The following GALNT13 variants were observed in gnomAD, a reference collection of about 807,000 sequenced individuals.
The protein encoded by GALNT13 is UDP-GalNAc:polypeptide N-acetylgalactosaminyltransferase 13.
A neutral mutation model predicts 64.2 loss-of-function variants in GALNT13; 28 were observed. That is an observed-to-expected ratio of 0.44 (90% CI 0.32 to 0.60). GALNT13 has a LOEUF of 0.60. Among genes scored for constraint, GALNT13 ranks in the 20% least tolerant of loss-of-function variants. The pLI is 0.05. For missense variants in GALNT13, 577 were observed against 669.8 expected (o/e 0.86, Z 1.53); for synonymous variants, 214 against 224.6 (o/e 0.95, Z 0.42).
At chr2:154,242,286 G>A (rs1689535617) in intron 5 of GALNT13, 90 bp downstream of exon 5, 1 of 1,051,630 alleles carries the variant, frequency 9.5e-7, no homozygotes, top group African/African-American at 1.6e-5. Context: ...TGGCCAAAAA[G>A]ATAACTAGGC....
chr2:153,472,271 T>TA, the GALNT13 span, among the ~76,000 whole-genome samples: 4 of 151,924 alleles, frequency 2.6e-5, no homozygotes, highest in African/African-American at 9.7e-5. Context: ...TTTAAAAAAC[T>TA]AAAAAAACTA....
At chr2:153,174,847 G>A in the GALNT13 span, among the ~76,000 whole-genome samples, 4 of 152,022 alleles carry the variant, frequency 2.6e-5, no homozygotes, top group African/African-American at 7.2e-5. Flanking sequence ...GGCAATGCAG[G>A]CTTTCTCTAC....
chr2:153,823,270 A>T, the GALNT13 span, among the ~76,000 whole-genome samples: 9 of 152,292 alleles, frequency 5.9e-5, no homozygotes, highest in South Asian at 1.9e-3. Flanking sequence ...AATAGAAAAC[A>T]TATTCAAAAA....
intron 9 of GALNT13, among the ~76,000 whole-genome samples, chr2:154,332,502 T>C (rs1695220703): frequency 6.6e-6 from 1 of 152,062 alleles, no homozygotes; most frequent in African/African-American, 2.4e-5. Context: ...TCCTGCATGG[T>C]TTAAAATGAA....
intron 3 of GALNT13, among the ~76,000 whole-genome samples, chr2:153,957,390 A>G (rs764245719): frequency 6.6e-6 from 1 of 152,228 alleles, no homozygotes; most frequent in African/African-American, 2.4e-5. Flanking sequence ...GGAGTCACTG[A>G]AGAAAAATGT....
At chr2:153,342,110 A>C in the GALNT13 span, among the ~76,000 whole-genome samples, 1 of 152,210 alleles carries the variant, frequency 6.6e-6, no homozygotes, top group Admixed American at 6.5e-5. Context: ...TTTATCAATA[A>C]AATAAATGTT....
chr2:153,872,625 GGGGGGGGGGA>G (rs1340467560), intron 1 of GALNT13, among the ~76,000 whole-genome samples: 1 of 99,862 alleles, frequency 1.0e-5, no homozygotes, highest in Non-Finnish European at 2.2e-5. Flanking sequence ...GTGGCGGGGG[GGGGGGGGGGA>G]GCGGCTCTGG....
chr2:154,093,453 C>T (rs1471210201), intron 3 of GALNT13, among the ~76,000 whole-genome samples: 1 of 151,942 alleles, frequency 6.6e-6, no homozygotes, highest in East Asian at 1.9e-4. Flanking sequence ...TACACTCTAC[C>T]TTCACAAAAA....
At chr2:154,087,712 A>G (rs887061017) in intron 3 of GALNT13, among the ~76,000 whole-genome samples, 2 of 152,120 alleles carry the variant, frequency 1.3e-5, no homozygotes, top group South Asian at 4.1e-4. Context: ...CAATGATGTC[A>G]TTATATATGT....
At chr2:154,444,942 A>C (rs1031954121) in intron 12 of GALNT13, among the ~76,000 whole-genome samples, 5 of 152,028 alleles carry the variant, frequency 3.3e-5, no homozygotes, top group African/African-American at 1.2e-4. Flanking sequence ...TGAATAAAAG[A>C]ATATTTTATT....
intron 4 of GALNT13, among the ~76,000 whole-genome samples, chr2:154,177,483 G>A (rs1685715696): frequency 6.6e-6 from 1 of 152,126 alleles, no homozygotes; most frequent in Non-Finnish European, 1.5e-5. Context: ...GTGGATACAT[G>A]TCATTATCCA....
the GALNT13 span, among the ~76,000 whole-genome samples, chr2:153,474,487 CAG>C: frequency 6.6e-6 from 1 of 152,184 alleles, no homozygotes; most frequent in Admixed American, 6.5e-5. Context: ...TCAGACTTGA[CAG>C]AGTAGTGTGA....
chr2:153,773,172 G>A, the GALNT13 span, among the ~76,000 whole-genome samples: 2 of 152,214 alleles, frequency 1.3e-5, no homozygotes, highest in Admixed American at 6.5e-5. Flanking sequence ...AATTGGACAA[G>A]GTTGCAGACT....
intron 2 of GALNT13, among the ~76,000 whole-genome samples, chr2:153,942,648 C>A (rs948345235): frequency 7.9e-5 from 12 of 151,712 alleles, no homozygotes; most frequent in African/African-American, 1.9e-4. Flanking sequence ...AGAAAAAAAA[C>A]CCCAAATGTC....
intron 10 of GALNT13, among the ~76,000 whole-genome samples, chr2:154,400,904 A>G (rs1453520014): frequency 6.6e-6 from 1 of 151,210 alleles, no homozygotes; most frequent in Non-Finnish European, 1.5e-5. Context: ...GTCTCAGCCC[A>G]AATTTTTGGG....
the GALNT13 span, among the ~76,000 whole-genome samples, chr2:153,313,632 A>G: frequency 6.6e-6 from 1 of 152,192 alleles, no homozygotes; most frequent in African/African-American, 2.4e-5. Context: ...AGTAATTTGT[A>G]CAACAAACTC....
At chr2:153,424,241 A>C in the GALNT13 span, among the ~76,000 whole-genome samples, 2 of 151,322 alleles carry the variant, frequency 1.3e-5, no homozygotes, top group Admixed American at 1.3e-4. Context: ...TAATTGCATT[A>C]GAGGCATGAA....
At chr2:153,962,413 A>T (rs2105097270) in intron 3 of GALNT13, among the ~76,000 whole-genome samples, 1 of 152,308 alleles carries the variant, frequency 6.6e-6, no homozygotes, top group African/African-American at 2.4e-5. Flanking sequence ...AAGATTGAGG[A>T]ACTTTGAAAA....
At chr2:153,495,983 T>TG in the GALNT13 span, among the ~76,000 whole-genome samples, 1 of 152,164 alleles carries the variant, frequency 6.6e-6, no homozygotes, top group Non-Finnish European at 1.5e-5. Flanking sequence ...GCAGAGTTCC[T>TG]ACTGGCTGAA....
Sources: gnomAD v4.1 joint callset for allele counts (sites outside exome capture counted in the v4.1 genomes callset) on GRCh38, gnomAD v4.1.1 for gene constraint, MANE v1.5 for transcripts, NCBI Gene and HGNC (gene_info 2026-07-23, HGNC 2026-07-21) for gene names.